The following ANK2 variants were observed in gnomAD, a reference collection of about 807,000 sequenced individuals.
The protein encoded by ANK2 is ankyrin-2.
ANK2 carries 83 observed loss-of-function variants against 360.5 expected under a neutral mutation model. The ratio of observed to expected loss-of-function variants is 0.23; its 90% CI spans 0.19 to 0.28. The LOEUF is 0.28. Ranked by LOEUF, ANK2 falls within the 10% of genes least tolerant of loss-of-function variation. The probability of loss-of-function intolerance (pLI) is 1.00; values close to 1 mark genes in which losing one functional copy is unlikely to be tolerated. For synonymous variants in ANK2, 1,740 were observed against 1,759.5 expected, an observed-to-expected ratio of 0.99 and a Z score of 0.28; for missense variants, 4,201 against 4,795.7, an observed-to-expected ratio of 0.88 and a Z score of 3.66.
chr4:113,332,471 T>C (rs2092688969), intron 28 of ANK2, among the ~76,000 whole-genome samples: 1 of 152,202 alleles, frequency 6.6e-6, no homozygotes, highest in African/African-American at 2.4e-5. Flanking sequence ...GGATCCTGAA[T>C]ATAATAGGCA....
rs1192265234 is a variant in ANK2, at chr4:113,333,276, T to C, written c.3379+68T>C. On this transcript the variant is annotated intron_variant, in intron 29 of 45. Transcript: ENST00000357077. ...GCATGAAAATGATTCATTTCTTTCT[T>C]ATGACCTAGGGGTGTGTGTATATGT... is the stretch of plus-strand genomic sequence containing the variant. The C allele has an allele frequency of 3.8e-6, 6 of 1,577,380 alleles. No individual in the cohort carries two copies. The East Asian group carries it at 1.3e-4, about 35-fold the overall frequency.
chr4:112,900,281 C>T (rs2082926953), intron 1 of ANK2, among the ~76,000 whole-genome samples: 1 of 152,036 alleles, frequency 6.6e-6, no homozygotes, highest in Non-Finnish European at 1.5e-5. Flanking sequence ...CCATTATTAC[C>T]CCTCTTTAAG....
intron 1 of ANK2, among the ~76,000 whole-genome samples, chr4:112,903,253 T>C (rs974391269): frequency 1.3e-5 from 2 of 152,206 alleles, no homozygotes; most frequent in African/African-American, 4.8e-5. Flanking sequence ...TAGGAACCAC[T>C]GGTATAAGGC....
At chr4:113,087,442 G>C (rs665096) in intron 1 of ANK2, among the ~76,000 whole-genome samples, 4,229 of 152,074 alleles carry the variant, frequency 0.028, 175 homozygotes, top group African/African-American at 0.095. Flanking sequence ...ACTATTTTCT[G>C]TTTTTCATTT....
At chr4:112,778,919 G>A in the ANK2 span, among the ~76,000 whole-genome samples, 1,637 of 152,268 alleles carry the variant, frequency 0.011, 29 homozygotes, top group African/African-American at 0.037. Context: ...GATTTCTGAC[G>A]TGCTGAGCTA....
intron 1 of ANK2, among the ~76,000 whole-genome samples, chr4:113,062,062 T>C (rs1660243305): frequency 6.6e-6 from 1 of 152,124 alleles, no homozygotes; most frequent in South Asian, 2.1e-4. Flanking sequence ...ATAGAAAGTT[T>C]TTTATTATAC....
intron 26 of ANK2, among the ~76,000 whole-genome samples, chr4:113,324,616 C>T (rs546248891): frequency 3.9e-5 from 6 of 152,032 alleles, no homozygotes; most frequent in African/African-American, 1.5e-4. Context: ...ATTTGAACCA[C>T]TTTTTTCAAA....
At chr4:112,940,946 G>A (rs527301997) in intron 2 of ANK2, among the ~76,000 whole-genome samples, 93 of 152,004 alleles carry the variant, frequency 6.1e-4, no homozygotes, top group African/African-American at 2.1e-3. Context: ...AACATCTATG[G>A]GAGAAAGGGA....
chr4:112,743,725 A>AC, the ANK2 span, among the ~76,000 whole-genome samples: 1 of 151,198 alleles, frequency 6.6e-6, no homozygotes, highest in Non-Finnish European at 1.5e-5. Flanking sequence ...TTGTATTTTT[A>AC]GTAGAAACGG....
chr4:112,741,798 T>C, the ANK2 span, among the ~76,000 whole-genome samples: 1 of 151,942 alleles, frequency 6.6e-6, no homozygotes, highest in African/African-American at 2.4e-5. Context: ...CTGGGCAACA[T>C]AGTGATACGC....
chr4:113,332,186 A>C, intron 28 of ANK2, 116 bp downstream of exon 28: 1 of 942,914 alleles, frequency 1.1e-6, no homozygotes, highest in Non-Finnish European at 1.7e-6. Context: ...TCTATGATTT[A>C]AATTCTGTAT....
intron 23 of ANK2, among the ~76,000 whole-genome samples, chr4:113,304,245 A>G (rs1000608627): frequency 6.6e-6 from 1 of 152,150 alleles, no homozygotes; most frequent in Non-Finnish European, 1.5e-5. Context: ...TTTGGTGACC[A>G]CTTTATTGAT....
At chr4:113,145,889 C>T in intron 1 of ANK2, 1 of 1,289,796 alleles carries the variant, frequency 7.8e-7, no homozygotes, top group Non-Finnish European at 1.0e-6. Flanking sequence ...CAGCCCTCTG[C>T]TCTTCTTGCC....
rs1287913811 is a variant in ANK2, at chr4:113,186,574, CTCTCTCTCTCTCT to C, written c.187-9780_187-9768del. On this transcript the variant is annotated intron_variant, in intron 2 of 45. Transcript: ENST00000357077. ...TATCTTCCCGTGTCTCTCTCTCTCT[CTCTCTCTCTCTCT>C]TCTCTCTCTCTCTCTCTCTCCCTCA... 7.0e-3 allele frequency among the ~76,000 whole-genome samples: 627 copies of C among 89,100 alleles called. 37 individuals are homozygous for C. The South Asian group carries it at 0.15, about 21-fold the overall frequency. 58.5% of individuals were successfully genotyped at this position (89,100 alleles called of 152,430 possible). A position where few individuals can be genotyped will look rare whatever the true frequency, so the allele number is the denominator to read the frequency against.
chr4:113,148,216 GTGA>G (rs746955945), intron 1 of ANK2, among the ~76,000 whole-genome samples: 8 of 152,112 alleles, frequency 5.3e-5, no homozygotes, highest in Non-Finnish European at 1.2e-4. Flanking sequence ...TTGTATTTTT[GTGA>G]TGATATCATT....
Position 113,354,702 on chromosome 4 carries a change from G to T in ANK2, c.6084G>T (p.Arg2028=), listed in dbSNP as rs565703811. The T allele has an allele frequency of 3.7e-5, 60 of 1,613,910 alleles. 1 individual carries two copies. The South Asian group carries it at 6.3e-4, about 17-fold the overall frequency. Residue 2028 remains arginine (R), a synonymous_variant, in exon 38 of 46, where the codon CGG becomes CGT. Coordinates refer to ENST00000357077, the MANE Select transcript of ANK2 (RefSeq NM_001148.6). ...QKQPQEKGKV[R]VEKEKGPILT... ...AGCCACAAGAGAAAGGTAAAGTTCG[G>T]GTAGAAAAAGAAAAGGGGCCGATAC...
chr4:113,009,925 T>TACACACACACAC (rs3028929), intron 2 of ANK2, among the ~76,000 whole-genome samples: 177 of 149,638 alleles, frequency 1.2e-3, no homozygotes, highest in African/African-American at 3.9e-3. Context: ...TTGTTGAGAG[T>TACACACACACAC]ACACACACAC....
intron 1 of ANK2, among the ~76,000 whole-genome samples, chr4:113,097,832 GTA>G (rs369497711): frequency 0.64 from 68,504 of 107,322 alleles, 18,723 homozygotes; most frequent in African/African-American, 0.76. Flanking sequence ...TTTTCCTCTT[GTA>G]TATATATGTG....
intron 4 of ANK2, among the ~76,000 whole-genome samples, chr4:113,217,807 G>A (rs534846813): frequency 6.6e-6 from 1 of 152,328 alleles, no homozygotes; most frequent in East Asian, 1.9e-4. Context: ...GTACCGAACT[G>A]AATGGTTCCA....
Sources: gnomAD v4.1 joint callset for allele counts (sites outside exome capture counted in the v4.1 genomes callset) on GRCh38, gnomAD v4.1.1 for gene constraint, MANE v1.5 for transcripts, NCBI Gene and HGNC (gene_info 2026-07-23, HGNC 2026-07-21) for gene names.